The following ADGRL3 variants were observed in gnomAD, a reference collection of about 807,000 sequenced individuals.
The protein encoded by ADGRL3 is adhesion G protein-coupled receptor L3.
In ADGRL3, 62 loss-of-function variants were observed where a neutral mutation model predicts 153.5. The ratio of observed to expected loss-of-function variants is 0.40; its 90% CI spans 0.33 to 0.50. The LOEUF (loss-of-function observed/expected upper bound fraction) is 0.50. Among genes scored for constraint, ADGRL3 ranks in the 20% least tolerant of loss-of-function variants. The pLI, the probability that ADGRL3 is intolerant of heterozygous loss-of-function variation, is 0.47. For missense variants in ADGRL3, 1,641 were observed against 1,859.4 expected, an observed-to-expected ratio of 0.88 and a Z score of 2.16; for synonymous variants, 710 against 672.5, an observed-to-expected ratio of 1.06 and a Z score of -0.86.
At chr4:61,645,030 A>G (rs886766280) in intron 5 of ADGRL3, among the ~76,000 whole-genome samples, 1 of 152,082 alleles carries the variant, frequency 6.6e-6, no homozygotes, top group Non-Finnish European at 1.5e-5. Flanking sequence ...ATCCTTTACC[A>G]TTATGTAATG....
chr4:61,950,698 A>T (rs554276460), intron 17 of ADGRL3, among the ~76,000 whole-genome samples: 1 of 152,234 alleles, frequency 6.6e-6, no homozygotes, highest in African/African-American at 2.4e-5. Context: ...GAAGTGTTAC[A>T]TATTGTCTTC....
chr4:61,246,983 AC>A (rs1332959897), intron 1 of ADGRL3, among the ~76,000 whole-genome samples: 2 of 152,088 alleles, frequency 1.3e-5, no homozygotes, highest in Non-Finnish European at 2.9e-5. Context: ...ATTGAATGCT[AC>A]CACTTATGGA....
chr4:61,215,727 T>TAC (rs2148928633), intron 1 of ADGRL3, among the ~76,000 whole-genome samples: 1 of 151,966 alleles, frequency 6.6e-6, no homozygotes, highest in Non-Finnish European at 1.5e-5. Flanking sequence ...TATTTTTTTG[T>TAC]ATTTTTAATG....
intron 3 of ADGRL3, among the ~76,000 whole-genome samples, chr4:61,510,547 C>T (rs1447098612): frequency 6.6e-6 from 1 of 151,944 alleles, no homozygotes; most frequent in Non-Finnish European, 1.5e-5. Flanking sequence ...TTTTGTTGAC[C>T]TTGTTGAAGA....
intron 6 of ADGRL3, among the ~76,000 whole-genome samples, chr4:61,684,290 T>G (rs984248190): frequency 2.6e-5 from 4 of 151,552 alleles, no homozygotes; most frequent in Non-Finnish European, 4.4e-5. Flanking sequence ...AAAGCAGAGG[T>G]TTTTTTTGGC....
chr4:62,014,750 T>A (rs2099203657), intron 21 of ADGRL3, among the ~76,000 whole-genome samples: 1 of 152,170 alleles, frequency 6.6e-6, no homozygotes, highest in Non-Finnish European at 1.5e-5. Context: ...AAATGCTCTA[T>A]CATTGAAGTT....
At chr4:61,280,515 T>C (rs2093681591) in intron 1 of ADGRL3, among the ~76,000 whole-genome samples, 1 of 152,106 alleles carries the variant, frequency 6.6e-6, no homozygotes, top group African/African-American at 2.4e-5. Context: ...AAGTACACCA[T>C]GTTGTTTTTG....
intron 3 of ADGRL3, among the ~76,000 whole-genome samples, chr4:61,507,910 G>C (rs1014619949): frequency 6.6e-6 from 1 of 152,096 alleles, no homozygotes; most frequent in East Asian, 1.9e-4. Flanking sequence ...TAGTTGTAAA[G>C]ATTTTTAAAG....
intron 1 of ADGRL3, among the ~76,000 whole-genome samples, chr4:61,366,249 C>T (rs1160260484): frequency 6.6e-6 from 1 of 152,146 alleles, no homozygotes; most frequent in African/African-American, 2.4e-5. Context: ...TTCTATAAAG[C>T]CATGATTTTA....
rs371087321 is a variant in ADGRL3 at position 61,766,019 on chromosome 4, C to T, written c.1399+32465C>T. 3.3e-4 allele frequency among the ~76,000 whole-genome samples: 50 copies of T among 152,080 alleles called. No individual in the cohort carries two copies. The East Asian group carries it at 9.5e-3, about 29-fold the overall frequency. Reference sequence around the variant, plus strand: ...ATCATCTGCCTTTGCTGGTGTGTGGCGATTAGGCCTGGTGGAACTGCCATC... The same window carrying T: ...ATCATCTGCCTTTGCTGGTGTGTGGTGATTAGGCCTGGTGGAACTGCCATC... On this transcript the variant is annotated intron_variant, in intron 8 of 26. Transcript: ENST00000683033.
intron 1 of ADGRL3, among the ~76,000 whole-genome samples, chr4:61,273,446 C>T (rs2093303466): frequency 1.3e-5 from 2 of 152,136 alleles, no homozygotes; most frequent in African/African-American, 4.8e-5. Context: ...ATGCACTTAG[C>T]CATTTCTGCA....
At chr4:61,726,566 T>C (rs978203203) in intron 6 of ADGRL3, among the ~76,000 whole-genome samples, 15 of 152,130 alleles carry the variant, frequency 9.9e-5, no homozygotes, top group African/African-American at 3.1e-4. Flanking sequence ...AGCTTTTGAT[T>C]ATGCAACTGG....
In ADGRL3 at chr4:61,656,739, T is replaced by A. The variant is rs544449031; in HGVS notation, c.474-20087T>A. On this transcript the variant is annotated intron_variant, in intron 5 of 26. Coordinates refer to ENST00000683033, the MANE Select transcript of ADGRL3 (RefSeq NM_001387552.1). ...GAAATCCAATGTAGGATTTAGGGAG[T>A]TACAGTAAAACAATGAATTTTCTAG... Among the ~76,000 whole-genome samples the A allele has an allele frequency of 8.1e-4, 123 of 152,228 alleles. 1 individual carries two copies. The highest frequency in any genetic ancestry group is 2.9e-3 in the African/African-American group (120 of 41,534).
At chr4:61,320,583 G>T (rs2095335208) in intron 1 of ADGRL3, among the ~76,000 whole-genome samples, 1 of 152,108 alleles carries the variant, frequency 6.6e-6, no homozygotes, top group Non-Finnish European at 1.5e-5. Context: ...TTCTCCCTTA[G>T]GAAACCTCCA....
intron 6 of ADGRL3, among the ~76,000 whole-genome samples, chr4:61,688,993 C>T (rs920254388): frequency 6.6e-6 from 1 of 152,156 alleles, no homozygotes; most frequent in African/African-American, 2.4e-5. Flanking sequence ...TGGGATCTCA[C>T]TCTGTGGCCC....
chr4:61,522,419 T>A (rs1433772322), intron 4 of ADGRL3, among the ~76,000 whole-genome samples: 1 of 152,160 alleles, frequency 6.6e-6, no homozygotes, highest in Non-Finnish European at 1.5e-5. Flanking sequence ...AAAAAATGGT[T>A]AATGTTCTCA....
At chr4:61,477,454 C>T (rs1292228281) in intron 2 of ADGRL3, among the ~76,000 whole-genome samples, 1 of 152,000 alleles carries the variant, frequency 6.6e-6, no homozygotes, top group East Asian at 1.9e-4. Context: ...CATTAACATA[C>T]CATGAATAAA....
intron 1 of ADGRL3, among the ~76,000 whole-genome samples, chr4:61,259,915 A>C (rs2092373581): frequency 1.3e-5 from 2 of 152,144 alleles, no homozygotes; most frequent in Non-Finnish European, 2.9e-5. Flanking sequence ...TTTATGATTC[A>C]ATTTAGGAAG....
intron 3 of ADGRL3, among the ~76,000 whole-genome samples, chr4:61,507,299 A>G (rs751950964): frequency 6.6e-6 from 1 of 152,112 alleles, no homozygotes; most frequent in Non-Finnish European, 1.5e-5. Context: ...GGCCTTTTAG[A>G]TTAGTTACAA....
Sources: allele counts gnomAD v4.1 joint callset (sites outside exome capture counted in the v4.1 genomes callset), GRCh38; gene constraint gnomAD v4.1.1; transcripts MANE v1.5; gene names NCBI Gene and HGNC (gene_info 2026-07-23, HGNC 2026-07-21).